The following FRRS1 variants were observed in gnomAD, a reference collection of about 807,000 sequenced individuals.
FRRS1 encodes the protein ferric chelate reductase 1.
Under a neutral mutation model 70.7 loss-of-function variants are expected in FRRS1, and 51 were observed. The ratio of observed to expected loss-of-function variants is 0.72; its 90% CI spans 0.58 to 0.91. FRRS1 has a LOEUF of 0.91. FRRS1 is among the 40% of genes least tolerant of loss of function. The probability of loss-of-function intolerance (pLI) is 0.00; values close to 1 mark genes in which losing one functional copy is unlikely to be tolerated. For missense variants in FRRS1, 672 were observed against 726.0 expected, an observed-to-expected ratio of 0.93 and a Z score of 0.86; for synonymous variants, 225 against 238.7, an observed-to-expected ratio of 0.94 and a Z score of 0.53.
At chr1:99,736,585 C>T (rs1348994536) in intron 7 of FRRS1, among the ~76,000 whole-genome samples, 2 of 131,764 alleles carry the variant, frequency 1.5e-5, no homozygotes, top group Admixed American at 8.2e-5. Context: ...CACATGGACA[C>T]AGGAAGGGGG....
rs1654023363 is a variant in FRRS1, at chr1:99,705,837, T to A, written c.*3191A>T. Among the ~76,000 whole-genome samples, 1 of 152,258 alleles carries A rather than the reference T, an allele frequency of 6.6e-6. No homozygotes were observed. Among genetic ancestry groups the A allele is most frequent in the African/African-American group, 2.4e-5 (1 of 41,474 alleles). On this transcript the variant is annotated 3_prime_UTR_variant, in exon 17 of 17. Coordinates refer to ENST00000646001, the MANE Select transcript of FRRS1 (RefSeq NM_001361041.2). The stretch of plus-strand genomic sequence containing the variant: ...TTCTTTCTGAAAAGCACACACATCT[T>A]TATTTCATATTGCATCACTTCTTTA...
chr1:99,712,483 T>C lies in FRRS1; in HGVS notation c.1356A>G (p.Ile452Met). The change falls in exon 13 of 17, where the codon ATA (isoleucine) becomes ATG (methionine). Residue 452 changes from isoleucine (I) to methionine (M), a missense_variant. Physicochemically the swap from Ile to Met is conservative, Grantham distance 10. Coordinates refer to ENST00000646001, the MANE Select transcript of FRRS1 (RefSeq NM_001361041.2). ...HAGYHPYLGC[I>M]VMTLAVLQPL... ...GCTGAAGAACTGCCAAAGTCATCAC[T>C]ATACAGCCGAGGTATGGGTGGTAAC... 1 of 1,612,496 alleles carries C rather than the reference T, an allele frequency of 6.2e-7. No individual in the cohort carries two copies.
At chr1:99,748,832 A>G (rs757287727) in intron 2 of FRRS1, 64 bp from the exon 3 acceptor site, 11 of 1,233,972 alleles carry the variant, frequency 8.9e-6, no homozygotes, top group African/African-American at 1.5e-5. Context: ...GCTTTTACAC[A>G]ACTGGACCAT....
At chr1:99,730,934 G>A (rs1044050797) in intron 7 of FRRS1, among the ~76,000 whole-genome samples, 5 of 151,982 alleles carry the variant, frequency 3.3e-5, no homozygotes, top group Non-Finnish European at 4.4e-5. Flanking sequence ...TACTCAGAAG[G>A]CTAAGGCAGG....
At chr1:99,722,193 G>A (rs1272433034) in intron 9 of FRRS1, among the ~76,000 whole-genome samples, 1 of 151,590 alleles carries the variant, frequency 6.6e-6, no homozygotes, top group African/African-American at 2.4e-5. Flanking sequence ...TATTTTTTGT[G>A]GAGATGGGTT....
intron 2 of FRRS1, 38 bp from the exon 3 acceptor site, chr1:99,748,806 T>A: frequency 6.7e-7 from 1 of 1,492,854 alleles, no homozygotes; most frequent in Non-Finnish European, 9.2e-7. Context: ...TTGTCATATA[T>A]AATTAAAATA....
At chr1:99,753,405 A>AAAAGAAATTTTT (rs1656672322) in intron 1 of FRRS1, among the ~76,000 whole-genome samples, 1 of 151,576 alleles carries the variant, frequency 6.6e-6, no homozygotes, top group South Asian at 2.1e-4. Context: ...ATTTTTTTTA[A>AAAAGAAATTTTT]AAAGACAAAC....
intron 12 of FRRS1, 114 bp downstream of exon 12, chr1:99,715,472 A>ACTT: frequency 1.5e-6 from 1 of 664,322 alleles, no homozygotes; most frequent in East Asian, 2.8e-5. Flanking sequence ...CAAAAGGGAA[A>ACTT]GAAAGAGGGA....
intron 11 of FRRS1, among the ~76,000 whole-genome samples, chr1:99,716,359 T>C (rs1330575479): frequency 2.6e-5 from 4 of 152,180 alleles, no homozygotes; most frequent in African/African-American, 9.7e-5. Context: ...ATCATCAGCA[T>C]CATAAATTTA....
chr1:99,734,658 C>A (rs924753506), intron 7 of FRRS1, among the ~76,000 whole-genome samples: 2 of 152,174 alleles, frequency 1.3e-5, no homozygotes, highest in Admixed American at 6.5e-5. Context: ...AAGATGCTGG[C>A]AGCAGTAACT....
intron 7 of FRRS1, among the ~76,000 whole-genome samples, chr1:99,732,647 A>C (rs1655449855): frequency 6.6e-6 from 1 of 152,180 alleles, no homozygotes; most frequent in African/African-American, 2.4e-5. Context: ...AGAAATATGA[A>C]AATTTTAAGA....
chr1:99,754,899 C>A (rs1286306250), intron 1 of FRRS1, among the ~76,000 whole-genome samples: 1 of 152,080 alleles, frequency 6.6e-6, no homozygotes, highest in African/African-American at 2.4e-5. Flanking sequence ...ATGCCAGGAG[C>A]TACTGAGTAA....
At position 99,709,132 on chromosome 1, in the gene FRRS1, A is replaced by G; in HGVS notation, c.1687-12T>C. The G allele has an allele frequency of 6.2e-7, 1 of 1,609,456 alleles. No homozygotes were observed. Among genetic ancestry groups the G allele is most frequent in the Non-Finnish European group, 8.5e-7 (1 of 1,177,246 alleles). On this transcript the variant is annotated splice_polypyrimidine_tract_variant and intron_variant, in intron 16 of 16. Coordinates refer to ENST00000646001, the MANE Select transcript of FRRS1 (RefSeq NM_001361041.2). ...TTAAAAGCATGACCCTGAAAGAAAA[A>G]TTGAGATATGAAAAAAAAAAGTATT...
chr1:99,710,769 A>G, intron 15 of FRRS1, 37 bp downstream of exon 15: 1 of 1,591,456 alleles, frequency 6.3e-7, no homozygotes, highest in African/African-American at 1.3e-5. Flanking sequence ...TTTGTATAGA[A>G]GTGCTTCTAC....
chr1:99,737,129 G>A (rs1276743172), intron 7 of FRRS1, among the ~76,000 whole-genome samples: 1 of 152,060 alleles, frequency 6.6e-6, no homozygotes, highest in South Asian at 2.1e-4. Flanking sequence ...ACTTATACAC[G>A]TCCTGGCCAC....
intron 1 of FRRS1, among the ~76,000 whole-genome samples, chr1:99,762,070 G>A (rs1486751843): frequency 2.6e-5 from 4 of 152,196 alleles, no homozygotes; most frequent in African/African-American, 7.2e-5. Context: ...CCTACTTTGT[G>A]AGGTTTTGAT....
chr1:99,752,525 G>A (rs900514199), intron 1 of FRRS1, among the ~76,000 whole-genome samples: 5 of 152,134 alleles, frequency 3.3e-5, no homozygotes, highest in African/African-American at 4.8e-5. Flanking sequence ...CATCTTATAC[G>A]GGTGCAGTTT....
Position 99,719,554 on chromosome 1 carries a change from A to G in FRRS1, c.1100T>C (p.Val367Ala). 1.3e-6 allele frequency: 2 copies of G among 1,589,130 alleles called. No individual in the cohort carries two copies. Among genetic ancestry groups the G allele is most frequent in the South Asian group, 1.1e-5 (1 of 90,494 alleles). Reference protein sequence around the residue: ...SPKNIGGSHSVLLLKVHGALM... With the variant: ...SPKNIGGSHSALLLKVHGALM... ...CCTACCATGAACCTTCAGAAGGAGT[A>G]CAGAATGGGATCCTCCTATGTTCTT... Residue 367 changes from valine to alanine, a missense_variant, in exon 10 of 17, where the codon GTA (valine) becomes GCA (alanine). Val to Ala is a moderately conservative substitution (Grantham distance 64, BLOSUM62 0). Transcript: ENST00000646001.
intron 4 of FRRS1, among the ~76,000 whole-genome samples, chr1:99,744,183 T>C (rs1656119998): frequency 6.6e-6 from 1 of 152,034 alleles, no homozygotes; most frequent in African/African-American, 2.4e-5. Flanking sequence ...ATATCGGAAA[T>C]GCAGCTTTTA....
Sources: allele counts gnomAD v4.1 joint callset (sites outside exome capture counted in the v4.1 genomes callset), GRCh38; gene constraint gnomAD v4.1.1; transcripts MANE v1.5; gene names NCBI Gene and HGNC (gene_info 2026-07-23, HGNC 2026-07-21).